The following ZFHX3 variants were observed in gnomAD, a reference collection of about 807,000 sequenced individuals.
The protein encoded by ZFHX3 is zinc finger homeobox 3.
Under a neutral mutation model 279.1 loss-of-function variants are expected in ZFHX3, and 42 were observed. That is an observed-to-expected ratio of 0.15 (90% CI 0.12 to 0.19). ZFHX3 has a LOEUF of 0.19. Among genes scored for constraint, ZFHX3 ranks in the 10% least tolerant of loss-of-function variants. The pLI is 1.00. For synonymous variants in ZFHX3, 2,293 were observed against 1,957.8 expected (o/e 1.17, Z -4.52); for missense variants, 4,981 against 4,754.0 (o/e 1.05, Z -1.40).
chr16:72,791,000 G>A (rs1415353960), intron 9 of ZFHX3: 1 of 148,496 alleles, frequency 6.7e-6, no homozygotes, highest in Non-Finnish European at 1.5e-5. Context: ...AGACACAGTA[G>A]CTCAACACAC....
At chr16:73,296,821 C>G (rs1189508501) in intron 4 of ZFHX3, among the ~76,000 whole-genome samples, 1 of 150,684 alleles carries the variant, frequency 6.6e-6, no homozygotes, top group African/African-American at 2.4e-5. Context: ...ATCTACTATT[C>G]AAAGGGCTTC....
chr16:72,818,909 G>A (rs1320479995), intron 5 of ZFHX3, among the ~76,000 whole-genome samples: 2 of 152,066 alleles, frequency 1.3e-5, no homozygotes, highest in Non-Finnish European at 2.9e-5. Context: ...TTCTAAAAAG[G>A]GTTTCAAAGA....
In ZFHX3 at chr16:73,568,770, T is replaced by C. The variant is rs535875451; in HGVS notation, c.-1547+111410A>G. Among the ~76,000 whole-genome samples the C allele has an allele frequency of 7.2e-5, 11 of 152,284 alleles. No individual in the cohort carries two copies. In the South Asian group the frequency reaches 2.3e-3, roughly 32 times the overall value. On this transcript the variant is annotated intron_variant, in intron 2 of 17. Coordinates refer to the ZFHX3 transcript ENST00000641206. ...TCAGAGCTTCCGGGGTCTCATCCTC[T>C]TGCAAATTTCTTTGGTGGTGAAATC...
At chr16:73,316,447 C>T (rs905164071) in intron 4 of ZFHX3, among the ~76,000 whole-genome samples, 1 of 152,148 alleles carries the variant, frequency 6.6e-6, no homozygotes, top group Non-Finnish European at 1.5e-5. Flanking sequence ...GGGCCTTCCC[C>T]GTTGCTCTCA....
chr16:72,889,408 T>C (rs577332152), intron 4 of ZFHX3, among the ~76,000 whole-genome samples: 35 of 151,064 alleles, frequency 2.3e-4, no homozygotes, highest in African/African-American at 7.1e-4. Context: ...GTATCTTCTG[T>C]TGGCCTGCTC....
chr16:73,462,778 G>A (rs925060860), intron 2 of ZFHX3, among the ~76,000 whole-genome samples: 1 of 152,080 alleles, frequency 6.6e-6, no homozygotes, highest in Admixed American at 6.6e-5. Flanking sequence ...CTGAGTCACG[G>A]TGTATCATTC....
intron 3 of ZFHX3, among the ~76,000 whole-genome samples, chr16:73,372,328 T>C (rs1405383534): frequency 6.6e-6 from 1 of 152,204 alleles, no homozygotes. Context: ...AAAAGGAACA[T>C]GTGAGACAGA....
intron 3 of ZFHX3, among the ~76,000 whole-genome samples, chr16:73,338,054 C>T (rs769881548): frequency 6.6e-6 from 1 of 152,102 alleles, no homozygotes; most frequent in Non-Finnish European, 1.5e-5. Context: ...AATCAAAACC[C>T]TAACTGATCT....
intron 7 of ZFHX3, among the ~76,000 whole-genome samples, chr16:72,810,874 A>AT (rs893439497): frequency 3.3e-5 from 5 of 151,466 alleles, no homozygotes; most frequent in African/African-American, 7.3e-5. Context: ...TGTCAAAAAA[A>AT]TTTTTTTTTC....
chr16:73,853,051 A>G (rs1219181685), intron 1 of ZFHX3, among the ~76,000 whole-genome samples: 1 of 152,250 alleles, frequency 6.6e-6, no homozygotes, highest in Admixed American at 6.5e-5. Context: ...AAGAAACATC[A>G]GTGGTCAATA....
chr16:73,522,604 A>G (rs1242397843), intron 2 of ZFHX3, among the ~76,000 whole-genome samples: 1 of 152,150 alleles, frequency 6.6e-6, no homozygotes, highest in Non-Finnish European at 1.5e-5. Flanking sequence ...AGAGCAGGAA[A>G]CCGGGCAGGA....
At chr16:73,431,791 A>G (rs931888830) in intron 3 of ZFHX3, among the ~76,000 whole-genome samples, 2 of 152,172 alleles carry the variant, frequency 1.3e-5, no homozygotes, top group African/African-American at 4.8e-5. Context: ...ATGGCCCCCA[A>G]GAATCCTCAA....
intron 4 of ZFHX3, among the ~76,000 whole-genome samples, chr16:73,303,683 C>G (rs1030068491): frequency 6.6e-6 from 1 of 152,124 alleles, no homozygotes; most frequent in African/African-American, 2.4e-5. Flanking sequence ...TAGGTCCTAG[C>G]TGAATAATTC....
chr16:73,182,517 G>A (rs1030547334), intron 5 of ZFHX3, among the ~76,000 whole-genome samples: 2 of 151,952 alleles, frequency 1.3e-5, no homozygotes, highest in African/African-American at 2.4e-5. Context: ...ACTACCATCC[G>A]ATCTAGCAAT....
intron 1 of ZFHX3, among the ~76,000 whole-genome samples, chr16:73,814,073 A>T (rs932530358): frequency 6.6e-6 from 1 of 152,236 alleles, no homozygotes; most frequent in African/African-American, 2.4e-5. Flanking sequence ...CTTTGCAAGT[A>T]ATATCTGCAA....
chr16:72,810,160 A>G (rs1247940138), intron 7 of ZFHX3, among the ~76,000 whole-genome samples: 1 of 151,674 alleles, frequency 6.6e-6, no homozygotes, highest in Admixed American at 6.6e-5. Context: ...CTGGGATTAC[A>G]GGTGTGAGAC....
At chr16:73,722,006 C>T (rs193279147) in intron 1 of ZFHX3, among the ~76,000 whole-genome samples, 116 of 152,326 alleles carry the variant, frequency 7.6e-4, no homozygotes, top group Non-Finnish European at 1.2e-3. Flanking sequence ...GACTGTGTCT[C>T]TGCACTGCAG....
intron 7 of ZFHX3, among the ~76,000 whole-genome samples, chr16:73,112,261 C>T (rs1194411425): frequency 6.6e-6 from 1 of 151,722 alleles, no homozygotes; most frequent in African/African-American, 2.4e-5. Context: ...AGAGGCAGAA[C>T]CCCAAGCAGG....
intron 3 of ZFHX3, among the ~76,000 whole-genome samples, chr16:73,375,636 A>C (rs1897432663): frequency 1.3e-5 from 2 of 152,184 alleles, no homozygotes; most frequent in Non-Finnish European, 2.9e-5. Context: ...ATTCAGTTAC[A>C]AGTTTTTATT....
Sources: allele counts gnomAD v4.1 joint callset (sites outside exome capture counted in the v4.1 genomes callset), GRCh38; gene constraint gnomAD v4.1.1; transcripts MANE v1.5; gene names NCBI Gene and HGNC (gene_info 2026-07-23, HGNC 2026-07-21).